Variants in THSD4 observed in about 807,000 individuals in gnomAD.
THSD4 encodes thrombospondin type-1 domain-containing protein 4.
In THSD4, 69 loss-of-function variants were observed where a neutral mutation model predicts 119.0. That is an observed-to-expected ratio of 0.58 (90% CI 0.48 to 0.71). THSD4 has a LOEUF of 0.71. Ranked by LOEUF, THSD4 falls within the 30% of genes least tolerant of loss-of-function variation. The pLI, the probability that THSD4 is intolerant of heterozygous loss-of-function variation, is 0.00. For synonymous variants in THSD4, 524 were observed against 540.4 expected (o/e 0.97, Z 0.42); for missense variants, 1,393 against 1,391.1 (o/e 1.00, Z -0.02).
chr15:71,277,730 C>T (rs2044609065), intron 6 of THSD4, among the ~76,000 whole-genome samples: 1 of 152,202 alleles, frequency 6.6e-6, no homozygotes, highest in Admixed American at 6.5e-5. Context: ...TTTTGCTTCT[C>T]TCTGTCTTTC....
At chr15:71,625,987 C>G (rs1357080763) in intron 7 of THSD4, among the ~76,000 whole-genome samples, 2 of 152,202 alleles carry the variant, frequency 1.3e-5, no homozygotes, top group Admixed American at 1.3e-4. Flanking sequence ...TGGCACATCT[C>G]TCCAGTTATT....
intron 6 of THSD4, among the ~76,000 whole-genome samples, chr15:71,390,477 T>C (rs2046361900): frequency 6.6e-6 from 1 of 152,216 alleles, no homozygotes. Context: ...AGTTTGACTT[T>C]CCTTTACATA....
chr15:71,121,491 A>T (rs1372980242), intron 1 of THSD4, among the ~76,000 whole-genome samples: 1 of 151,074 alleles, frequency 6.6e-6, no homozygotes, highest in Non-Finnish European at 1.5e-5. Flanking sequence ...TCTTTGATTG[A>T]TCTCCCTTGT....
intron 4 of THSD4, among the ~76,000 whole-genome samples, chr15:71,220,802 A>G (rs2043969456): frequency 1.3e-5 from 2 of 152,206 alleles, no homozygotes; most frequent in Admixed American, 1.3e-4. Flanking sequence ...TGGGAAGCAT[A>G]GACTGGGTGC....
chr15:71,372,737 A>G (rs2046073096), intron 6 of THSD4, among the ~76,000 whole-genome samples: 1 of 152,216 alleles, frequency 6.6e-6, no homozygotes, highest in South Asian at 2.1e-4. Context: ...GACCCACTTG[A>G]GGGGGCAGTC....
chr15:71,767,038 A>C (rs2140235074), intron 16 of THSD4: 1 of 152,304 alleles, frequency 6.6e-6, no homozygotes, highest in Admixed American at 6.5e-5. Flanking sequence ...CTGCAATGAA[A>C]ATATTTCGTG....
chr15:71,695,362 A>G (rs2052141716), intron 8 of THSD4, among the ~76,000 whole-genome samples: 1 of 150,696 alleles, frequency 6.6e-6, no homozygotes, highest in African/African-American at 2.4e-5. Flanking sequence ...TGTATGTATG[A>G]GTGTGTGTGT....
rs146836644 is a variant in THSD4 at position 71,756,645 on chromosome 15, A to G, written c.2416-1257A>G. ...AAAAAAATACAAAAATTAGCTGGAC[A>G]TGGTCGTGAGCACCTGGAGCTACTC... On this transcript the variant is annotated intron_variant, in intron 14 of 17. Transcript: ENST00000261862. 6.0e-3 allele frequency among the ~76,000 whole-genome samples: 916 copies of G among 152,234 alleles called. 9 individuals carry two copies. Among genetic ancestry groups the G allele is most frequent in the African/African-American group, 0.02 (814 of 41,548 alleles).
intron 7 of THSD4, among the ~76,000 whole-genome samples, chr15:71,625,214 G>A (rs1213949398): frequency 6.6e-6 from 1 of 152,088 alleles, no homozygotes; most frequent in Non-Finnish European, 1.5e-5. Context: ...CACCATGTTG[G>A]CCTGGCTAGT....
At chr15:71,242,525 T>C in intron 4 of THSD4, 124 bp from the exon 5 acceptor site, 1 of 1,022,188 alleles carries the variant, frequency 9.8e-7, no homozygotes, top group Non-Finnish European at 1.4e-6. Context: ...TTCCCAGTTC[T>C]ACCATAGACC....
In THSD4 at chr15:71,346,856, C is replaced by T. The variant is rs139544356; in HGVS notation, c.1016-64831C>T. Among the ~76,000 whole-genome samples, 227 of 134,224 alleles carry T rather than the reference C, an allele frequency of 1.7e-3. 1 individual carries two copies. The highest frequency in any genetic ancestry group is 5.7e-3 in the African/African-American group (208 of 36,746). The allele number at this position is 134,224 out of a possible 152,430, so 88.1% of individuals were successfully genotyped here. Reference sequence around the variant, plus strand: ...AAATTCCGAATAACATCATAAGTTTCATTTTCATTTTCTTTTTTTTTTTTT... The same window carrying T: ...AAATTCCGAATAACATCATAAGTTTTATTTTCATTTTCTTTTTTTTTTTTT... On this transcript the variant is annotated intron_variant, in intron 6 of 17. Coordinates refer to ENST00000261862, the MANE Select transcript of THSD4 (RefSeq NM_024817.3).
intron 3 of THSD4, among the ~76,000 whole-genome samples, chr15:71,166,686 T>C (rs2043297847): frequency 6.6e-6 from 1 of 152,078 alleles, no homozygotes; most frequent in South Asian, 2.1e-4. Context: ...ATTTTGTTGC[T>C]CCCCCGGTGC....
At chr15:71,323,802 G>A (rs1224130561) in intron 6 of THSD4, among the ~76,000 whole-genome samples, 2 of 152,114 alleles carry the variant, frequency 1.3e-5, no homozygotes, top group Non-Finnish European at 2.9e-5. Context: ...TTTAGAGAAT[G>A]CAGATAAGCA....
At chr15:71,207,073 C>T (rs977318797) in intron 3 of THSD4, among the ~76,000 whole-genome samples, 1 of 152,106 alleles carries the variant, frequency 6.6e-6, no homozygotes, top group Non-Finnish European at 1.5e-5. Flanking sequence ...CCATATTGCT[C>T]TGTATTATTC....
intron 7 of THSD4, among the ~76,000 whole-genome samples, chr15:71,440,891 A>G (rs958155181): frequency 6.6e-6 from 1 of 152,192 alleles, no homozygotes; most frequent in African/African-American, 2.4e-5. Context: ...ACTTGGGAGC[A>G]ATTATGTATG....
Position 71,748,521 on chromosome 15 carries a change from G to C in THSD4, c.2342G>C (p.Arg781Pro). The change falls in exon 14 of 18, where the codon CGG (arginine) becomes CCG (proline). Residue 781 changes from arginine (R) to proline (P), a missense_variant. Coordinates refer to ENST00000261862, the MANE Select transcript of THSD4 (RefSeq NM_024817.3). ...VDDEECNMKL[R>P]PNDIENCDMG... ...GATGAGGAATGCAACATGAAGCTCCGGCCGAATGACATTGAGAACTGCGAC... is the reference window on the plus strand; with the variant it reads ...GATGAGGAATGCAACATGAAGCTCCCGCCGAATGACATTGAGAACTGCGAC... 1 of 1,614,182 alleles carries C rather than the reference G, an allele frequency of 6.2e-7. No homozygotes were observed. Among genetic ancestry groups the C allele is most frequent in the Non-Finnish European group, 8.5e-7 (1 of 1,180,026 alleles).
chr15:71,114,053 C>T (rs1245561980), upstream of THSD4, among the ~76,000 whole-genome samples: 1 of 152,072 alleles, frequency 6.6e-6, no homozygotes, highest in Admixed American at 6.5e-5. Flanking sequence ...ACACCAGGTG[C>T]CTCCCATCAA....
chr15:71,208,488 C>CT lies in THSD4; in HGVS notation c.100-6540dup, dbSNP rs202145768. Among the ~76,000 whole-genome samples, 1,435 of 146,792 alleles carry CT rather than the reference C, an allele frequency of 9.8e-3. 24 individuals carry two copies. The highest frequency in any genetic ancestry group is 0.034 in the African/African-American group (1,360 of 39,944). Reference sequence around the variant, plus strand: ...ACTTCTCTAGGTGCTGTTTCTTTTTCTTTTTTTCTCTTTTCTTTTCTTTTT... The same window carrying CT: ...ACTTCTCTAGGTGCTGTTTCTTTTTCTTTTTTTTCTCTTTTCTTTTCTTTTT... On this transcript the variant is annotated intron_variant, in intron 3 of 17. Transcript: ENST00000261862.
At chr15:71,408,744 C>T (rs975330771) in intron 6 of THSD4, among the ~76,000 whole-genome samples, 4 of 151,936 alleles carry the variant, frequency 2.6e-5, no homozygotes, top group Non-Finnish European at 4.4e-5. Context: ...CCCAGCTACT[C>T]GGGAGGCTGA....
Sources: gnomAD v4.1 joint callset for allele counts (sites outside exome capture counted in the v4.1 genomes callset) on GRCh38, gnomAD v4.1.1 for gene constraint, MANE v1.5 for transcripts, NCBI Gene and HGNC (gene_info 2026-07-23, HGNC 2026-07-21) for gene names.